The following DTWD2 variants were observed in gnomAD, a reference collection of about 807,000 sequenced individuals.
DTWD2 encodes DTW motif tRNA-uridine aminocarboxypropyltransferase 2, also known as tRNA-uridine aminocarboxypropyltransferase 2.
DTWD2 carries 39 observed loss-of-function variants against 31.8 expected under a neutral mutation model. The observed-to-expected ratio is 1.22, with a 90% CI of 0.95 to 1.60. DTWD2 has a LOEUF of 1.60. DTWD2 is among the 40% of genes most tolerant of loss of function. DTWD2 has a pLI of 0.00. For missense variants in DTWD2, 515 were observed against 381.5 expected, an observed-to-expected ratio of 1.35 and a Z score of -2.92; for synonymous variants, 180 against 142.8, an observed-to-expected ratio of 1.26 and a Z score of -1.86.
chr5:118,842,950 CCT>C lies in DTWD2; in HGVS notation c.727-1865_727-1864del, dbSNP rs1200345127. Among the ~76,000 whole-genome samples, 491 of 140,252 alleles carry C rather than the reference CCT, an allele frequency of 3.5e-3. 6 individuals are homozygous for C. Among genetic ancestry groups the C allele is most frequent in the East Asian group, 0.023 (112 of 4,910 alleles). 92.0% of individuals were successfully genotyped at this position (140,252 alleles called of 152,430 possible). ...TGACAGAATGAGAAACTTTCTTCTT[CCT>C]CTTTTTTTTTTTTTTTTTTTTTGAG... On this transcript the variant is annotated intron_variant, in intron 5 of 5. Coordinates refer to ENST00000510708, the MANE Select transcript of DTWD2 (RefSeq NM_173666.4).
Position 118,976,734 on chromosome 5 carries a change from C to T in DTWD2, c.218+11560G>A, listed in dbSNP as rs1288883466. Reference sequence around the variant, plus strand: ...ACCAAAAACAGCTCAGAACCAGATTCACAGACGAATTCTACCACAGGTACA... The same window carrying T: ...ACCAAAAACAGCTCAGAACCAGATTTACAGACGAATTCTACCACAGGTACA... On this transcript the variant is annotated intron_variant, in intron 1 of 5. Coordinates refer to ENST00000510708, the MANE Select transcript of DTWD2 (RefSeq NM_173666.4). 2.0e-5 allele frequency among the ~76,000 whole-genome samples: 3 copies of T among 151,992 alleles called. No homozygotes were observed. The South Asian group carries it at 6.2e-4, about 32-fold the overall frequency.
chr5:118,904,358 T>C (rs921457567), intron 4 of DTWD2, among the ~76,000 whole-genome samples: 7 of 152,144 alleles, frequency 4.6e-5, no homozygotes, highest in Non-Finnish European at 1.0e-4. Flanking sequence ...AAGTGTATTA[T>C]CATACTTATA....
intron 1 of DTWD2, among the ~76,000 whole-genome samples, chr5:118,959,017 C>G (rs1754651112): frequency 6.6e-6 from 1 of 152,166 alleles, no homozygotes; most frequent in Admixed American, 6.6e-5. Flanking sequence ...AAACCAAAAG[C>G]ATTCCCCTTG....
At chr5:118,941,477 G>T (rs561177145) in intron 2 of DTWD2, among the ~76,000 whole-genome samples, 17 of 152,264 alleles carry the variant, frequency 1.1e-4, no homozygotes, top group Admixed American at 3.3e-4. Context: ...ATGGTTTCCA[G>T]CTTCATCCAT....
intron 1 of DTWD2, chr5:118,973,922 A>G: frequency 6.2e-7 from 1 of 1,600,682 alleles, no homozygotes; most frequent in Non-Finnish European, 8.6e-7. Flanking sequence ...TAATGAGGAA[A>G]ATGGGGAGCA....
intron 3 of DTWD2, among the ~76,000 whole-genome samples, chr5:118,931,728 T>C (rs1014192312): frequency 1.9e-5 from 2 of 106,418 alleles, no homozygotes; most frequent in Non-Finnish European, 4.6e-5. Context: ...AACAGCATTA[T>C]CAATCAACTT....
At chr5:118,870,954 T>C (rs1447159996) in intron 4 of DTWD2, among the ~76,000 whole-genome samples, 1 of 149,334 alleles carries the variant, frequency 6.7e-6, no homozygotes, top group Non-Finnish European at 1.5e-5. Flanking sequence ...ATAATGTACA[T>C]ATAACATATA....
chr5:118,987,672 T>C (rs1277226845), intron 1 of DTWD2, among the ~76,000 whole-genome samples: 2 of 152,234 alleles, frequency 1.3e-5, no homozygotes, highest in Non-Finnish European at 2.9e-5. Flanking sequence ...CTCCACTGCA[T>C]TGTCAGTGAT....
chr5:118,854,167 G>A (rs933162183), intron 4 of DTWD2, among the ~76,000 whole-genome samples: 106 of 152,096 alleles, frequency 7.0e-4, no homozygotes, highest in African/African-American at 2.5e-3. Context: ...ATGAAAAATG[G>A]AATACATTTC....
At position 118,916,248 on chromosome 5, in the gene DTWD2, G is replaced by A. The variant is rs1008249276; in HGVS notation, c.597+12289C>T. Among the ~76,000 whole-genome samples the A allele has an allele frequency of 2.0e-5, 3 of 152,134 alleles. No homozygotes were observed. The South Asian group carries it at 6.2e-4, about 32-fold the overall frequency. On this transcript the variant is annotated intron_variant, in intron 4 of 5. Coordinates refer to ENST00000510708, the MANE Select transcript of DTWD2 (RefSeq NM_173666.4). Reference sequence around the variant, plus strand: ...TGCCTGTCACCTTCTAGTGTTTACCGTCACATTTTATCTAAAATCAGAAAC... The same window carrying A: ...TGCCTGTCACCTTCTAGTGTTTACCATCACATTTTATCTAAAATCAGAAAC...
At chr5:118,856,613 A>G (rs930788955) in intron 4 of DTWD2, among the ~76,000 whole-genome samples, 2 of 152,152 alleles carry the variant, frequency 1.3e-5, no homozygotes, top group African/African-American at 4.8e-5. Flanking sequence ...TCAGTTCTGA[A>G]TAAGAGTTCC....
At chr5:118,904,718 A>C (rs1180289316) in intron 4 of DTWD2, among the ~76,000 whole-genome samples, 2 of 152,146 alleles carry the variant, frequency 1.3e-5, no homozygotes, top group Non-Finnish European at 2.9e-5. Flanking sequence ...GAATATGGCA[A>C]GAAACAAGAA....
chr5:118,964,910 G>C (rs1754795786), intron 1 of DTWD2, among the ~76,000 whole-genome samples: 1 of 152,116 alleles, frequency 6.6e-6, no homozygotes, highest in Non-Finnish European at 1.5e-5. Flanking sequence ...CATCGTCTGG[G>C]ATGTGAGGAG....
At chr5:118,987,482 G>A (rs1473362811) in intron 1 of DTWD2, among the ~76,000 whole-genome samples, 1 of 152,158 alleles carries the variant, frequency 6.6e-6, no homozygotes, top group Non-Finnish European at 1.5e-5. Flanking sequence ...TCCCCTGGCT[G>A]GATTCTTCTC....
At chr5:118,985,490 T>TTATTTATATATATATATATATA (rs1554072596) in intron 1 of DTWD2, among the ~76,000 whole-genome samples, 1 of 95,418 alleles carries the variant, frequency 1.0e-5, no homozygotes, top group Non-Finnish European at 2.2e-5. Context: ...ATGTGCATTT[T>TTATTTATATATATATATATATA]TATATATATA....
chr5:118,856,555 G>T (rs1364035864), intron 4 of DTWD2, among the ~76,000 whole-genome samples: 5 of 152,266 alleles, frequency 3.3e-5, no homozygotes, highest in African/African-American at 1.2e-4. Flanking sequence ...GCAATATCAT[G>T]AAACAAAGAC....
In DTWD2 at chr5:118,939,594, T is replaced by C. The variant is rs187370343; in HGVS notation, c.310-304A>G. On this transcript the variant is annotated intron_variant, in intron 2 of 5. Transcript: ENST00000510708. ...ATTTGTGTTTAACTAAATTGAATCA[T>C]TTACTCTGACAAGTTTTTCATTTCA... 7.2e-5 allele frequency among the ~76,000 whole-genome samples: 11 copies of C among 152,304 alleles called. No individual in the cohort carries two copies. In the East Asian group the frequency reaches 1.3e-3, roughly 19 times the overall value.
At chr5:118,850,880 G>A (rs867921714) in intron 4 of DTWD2, among the ~76,000 whole-genome samples, 7 of 152,102 alleles carry the variant, frequency 4.6e-5, no homozygotes, top group African/African-American at 1.4e-4. Context: ...TTTTTCAAAA[G>A]AGGACATACA....
intron 3 of DTWD2, among the ~76,000 whole-genome samples, chr5:118,929,576 G>A (rs538282991): frequency 8.6e-5 from 13 of 151,720 alleles, no homozygotes; most frequent in Admixed American, 6.6e-4. Context: ...GGGACTGCCC[G>A]ATTCACAAAT....
Sources: allele counts gnomAD v4.1 joint callset (sites outside exome capture counted in the v4.1 genomes callset), GRCh38; gene constraint gnomAD v4.1.1; transcripts MANE v1.5; gene names NCBI Gene and HGNC (gene_info 2026-07-23, HGNC 2026-07-21).